The following ASIC2 variants were observed in gnomAD, a reference collection of about 807,000 sequenced individuals.
The protein encoded by ASIC2 is acid sensing ion channel subunit 2.
A neutral mutation model predicts 57.3 loss-of-function variants in ASIC2; 25 were observed. That is an observed-to-expected ratio of 0.44 (90% CI 0.32 to 0.61). The LOEUF is 0.61. Among genes scored for constraint, ASIC2 ranks in the 20% least tolerant of loss-of-function variants. The pLI, the probability that ASIC2 is intolerant of heterozygous loss-of-function variation, is 0.06. For synonymous variants in ASIC2, 319 were observed against 307.5 expected, an observed-to-expected ratio of 1.04 and a Z score of -0.39; for missense variants, 641 against 738.1, an observed-to-expected ratio of 0.87 and a Z score of 1.52.
At chr17:33,595,665 TAAGTTACTCAGC>T (rs1904958010) in intron 1 of ASIC2, among the ~76,000 whole-genome samples, 1 of 152,268 alleles carries the variant, frequency 6.6e-6, no homozygotes, top group African/African-American at 2.4e-5. Flanking sequence ...AGATATTGGG[TAAGTTACTCAGC>T]ATCCCTGAGC....
chr17:33,640,989 G>A (rs527240381), intron 1 of ASIC2, among the ~76,000 whole-genome samples: 7 of 152,282 alleles, frequency 4.6e-5, no homozygotes, highest in African/African-American at 1.7e-4. Flanking sequence ...GTAAAGGAAT[G>A]GCAGCAACAT....
chr17:33,742,762 C>A (rs533219104), intron 1 of ASIC2, among the ~76,000 whole-genome samples: 1 of 152,148 alleles, frequency 6.6e-6, no homozygotes, highest in Non-Finnish European at 1.5e-5. Context: ...ACACTGGAAA[C>A]TGCTTTTGAC....
intron 1 of ASIC2, among the ~76,000 whole-genome samples, chr17:33,628,691 C>T (rs1297221138): frequency 6.6e-6 from 1 of 152,156 alleles, no homozygotes; most frequent in Non-Finnish European, 1.5e-5. Flanking sequence ...GTGTCCATGC[C>T]TGGTAAGTGT....
intron 1 of ASIC2, among the ~76,000 whole-genome samples, chr17:34,130,318 G>A (rs11080250): frequency 0.33 from 49,607 of 152,122 alleles, 9,004 homozygotes; most frequent in Middle Eastern, 0.45. Context: ...TGCTTTCCAG[G>A]TGCTGAAATC....
At chr17:33,808,981 G>A (rs746018173) in intron 1 of ASIC2, among the ~76,000 whole-genome samples, 3 of 152,198 alleles carry the variant, frequency 2.0e-5, no homozygotes, top group Non-Finnish European at 4.4e-5. Flanking sequence ...GACTTTCTGA[G>A]TCATTCTTGC....
chr17:33,622,408 C>T (rs1161799742), intron 1 of ASIC2, among the ~76,000 whole-genome samples: 2 of 152,132 alleles, frequency 1.3e-5, no homozygotes, highest in African/African-American at 4.8e-5. Flanking sequence ...CACACACACA[C>T]AGACACTCAC....
chr17:34,089,173 A>G (rs1358871915), intron 1 of ASIC2, among the ~76,000 whole-genome samples: 1 of 152,146 alleles, frequency 6.6e-6, no homozygotes, highest in Non-Finnish European at 1.5e-5. Context: ...CTATTCCGCC[A>G]TCCTCCTCCT....
At chr17:33,138,853 G>A (rs191834486) in intron 1 of ASIC2, among the ~76,000 whole-genome samples, 1 of 152,172 alleles carries the variant, frequency 6.6e-6, no homozygotes, top group African/African-American at 2.4e-5. Context: ...ATTTTAACTG[G>A]CTGCCTTTTC....
chr17:33,063,368 A>C (rs545860813), intron 3 of ASIC2, among the ~76,000 whole-genome samples: 1 of 152,152 alleles, frequency 6.6e-6, no homozygotes, highest in Admixed American at 6.5e-5. Context: ...CGGTGACAAA[A>C]TCTCTCAGCA....
At chr17:33,595,780 G>T (rs576950063) in intron 1 of ASIC2, among the ~76,000 whole-genome samples, 1 of 152,100 alleles carries the variant, frequency 6.6e-6, no homozygotes, top group African/African-American at 2.4e-5. Flanking sequence ...TCGTTTTCAG[G>T]AATACTTGGG....
chr17:33,708,142 T>C (rs1271294137), intron 1 of ASIC2, among the ~76,000 whole-genome samples: 1 of 152,214 alleles, frequency 6.6e-6, no homozygotes, highest in Non-Finnish European at 1.5e-5. Flanking sequence ...TCTAATTATT[T>C]CTTTTATGGA....
chr17:33,443,617 C>A (rs1298939136), intron 1 of ASIC2, among the ~76,000 whole-genome samples: 1 of 150,474 alleles, frequency 6.6e-6, no homozygotes, highest in Non-Finnish European at 1.5e-5. Context: ...GGGGTTTCAC[C>A]GTTTTAGCCG....
chr17:33,693,083 T>G (rs1322919020), intron 1 of ASIC2, among the ~76,000 whole-genome samples: 1 of 152,254 alleles, frequency 6.6e-6, no homozygotes, highest in African/African-American at 2.4e-5. Context: ...GTTTATCCAC[T>G]AATTTTAACT....
intron 1 of ASIC2, among the ~76,000 whole-genome samples, chr17:33,265,111 T>C (rs1909414779): frequency 6.6e-6 from 1 of 152,214 alleles, no homozygotes; most frequent in South Asian, 2.1e-4. Flanking sequence ...CCAGTTCCAA[T>C]ACACTCCCTG....
At chr17:33,281,860 T>C (rs367656514) in intron 1 of ASIC2, among the ~76,000 whole-genome samples, 2 of 152,306 alleles carry the variant, frequency 1.3e-5, no homozygotes, top group African/African-American at 4.8e-5. Context: ...CCAGCCAACA[T>C]AATACCTGGC....
intron 1 of ASIC2, among the ~76,000 whole-genome samples, chr17:34,108,416 A>AATAT (rs1216240160): frequency 1.3e-5 from 2 of 152,174 alleles, no homozygotes; most frequent in Non-Finnish European, 2.9e-5. Context: ...TATAGTTTAT[A>AATAT]AATGTATAGT....
At chr17:33,934,414 T>C (rs1407602730) in intron 1 of ASIC2, among the ~76,000 whole-genome samples, 2 of 152,292 alleles carry the variant, frequency 1.3e-5, no homozygotes, top group East Asian at 3.9e-4. Context: ...ACCTTGAGGA[T>C]AGAATAATGA....
chr17:34,116,876 A>ATG (rs747114730), intron 1 of ASIC2, among the ~76,000 whole-genome samples: 1 of 151,588 alleles, frequency 6.6e-6, no homozygotes, highest in African/African-American at 2.4e-5. Flanking sequence ...GGCGTATAAT[A>ATG]TGTGTGTGTG....
intron 1 of ASIC2, chr17:34,038,760 T>A (rs2142043585): frequency 6.2e-7 from 1 of 1,611,296 alleles, no homozygotes; most frequent in South Asian, 1.1e-5. Flanking sequence ...AACGTTTCAT[T>A]TTCAGCTCCA....
Sources: allele counts gnomAD v4.1 joint callset (sites outside exome capture counted in the v4.1 genomes callset), GRCh38; gene constraint gnomAD v4.1.1; transcripts MANE v1.5; gene names NCBI Gene and HGNC (gene_info 2026-07-23, HGNC 2026-07-21).